Variants in SLC25A6 observed in about 807,000 individuals in gnomAD.
The protein encoded by SLC25A6 is ADP/ATP translocase 3.
In SLC25A6, 9 loss-of-function variants were observed where a neutral mutation model predicts 25.7. The observed-to-expected ratio is 0.35, with a 90% CI of 0.21 to 0.61. The LOEUF (loss-of-function observed/expected upper bound fraction) is 0.61. Among genes scored for constraint, SLC25A6 ranks in the 20% least tolerant of loss-of-function variants. The probability of loss-of-function intolerance (pLI) is 0.76; values close to 1 mark genes in which losing one functional copy is unlikely to be tolerated. For synonymous variants in SLC25A6, 223 were observed against 197.0 expected, an observed-to-expected ratio of 1.13 and a Z score of -1.11; for missense variants, 404 against 440.5, an observed-to-expected ratio of 0.92 and a Z score of 0.74.
intron 2 of SLC25A6, among the ~76,000 whole-genome samples, chrX:1,387,712 T>C (rs1255026091): frequency 6.6e-6 from 1 of 152,096 alleles, no homozygotes; most frequent in Admixed American, 6.5e-5. Flanking sequence ...TTCTGAAGGG[T>C]CACCGTTACT....
chrX:1,391,957 G>T lies in SLC25A6; in HGVS notation c.53C>A (p.Ala18Asp). The change falls in exon 1 of 4, where the codon GCC becomes GAC. Residue 18 changes from alanine (A) to aspartate (D), a missense_variant. Ala to Asp is a moderately radical substitution (Grantham distance 126). Coordinates refer to ENST00000381401, the MANE Select transcript of SLC25A6 (RefSeq NM_001636.4). ...FAKDFLAGGI[A>D]AAISKTAVAP... ...CACGGCCGTCTTGGAGATGGCGGCG[G>T]CGATGCCTCCGGCCAAGAAGTCTTT... 1 of 1,609,962 alleles carries T rather than the reference G, an allele frequency of 6.2e-7. No homozygotes were observed.
rs1393737476 is a variant in SLC25A6 at position 1,387,152 on chromosome X, G to A, written c.739+127C>T. ...CCTTCCACACAGCCAGGTTACTTTC[G>A]GACACACTTGCTTGTCTCACACGCC... On this transcript the variant is annotated intron_variant, in intron 3 of 3. Transcript: ENST00000381401. The A allele has an allele frequency of 2.3e-5, 27 of 1,193,770 alleles. No individual in the cohort carries two copies. In the East Asian group the frequency reaches 3.1e-4, roughly 14 times the overall value. The allele number at this position is 1,193,770 out of a possible 1,614,324, so 73.9% of individuals were successfully genotyped here. A position where few individuals can be genotyped will look rare whatever the true frequency, so the allele number is the denominator to read the frequency against.
chrX:1,389,769 C>T (rs1376912708), intron 1 of SLC25A6, 42 bp from the exon 2 acceptor site: 3 of 1,597,360 alleles, frequency 1.9e-6, no homozygotes, highest in East Asian at 4.5e-5. Flanking sequence ...CCAGGGCCAA[C>T]CACCCAGAAA....
chrX:1,387,951 C>T (rs1183385127), intron 2 of SLC25A6, among the ~76,000 whole-genome samples: 1 of 151,738 alleles, frequency 6.6e-6, no homozygotes, highest in Non-Finnish European at 1.5e-5. Context: ...ACGGTGTCTA[C>T]AAGCCAAAAA....
Position 1,389,111 on chromosome X carries a change from C to T in SLC25A6, c.598+130G>A, listed in dbSNP as rs2089366739. On this transcript the variant is annotated intron_variant, in intron 2 of 3. Transcript: ENST00000381401. ...CAGGGAGAAGACGGCGTCTCCAAGTCCAGGAGAGAGGCCGCAGGAGGAACC... is the reference window on the plus strand; with the variant it reads ...CAGGGAGAAGACGGCGTCTCCAAGTTCAGGAGAGAGGCCGCAGGAGGAACC... The T allele has an allele frequency of 9.2e-6, 9 of 980,178 alleles. 1 individual carries two copies. In the Admixed American group the frequency reaches 2.4e-4, roughly 26 times the overall value. The allele number at this position is 980,178 out of a possible 1,614,324, so 60.7% of individuals were successfully genotyped here.
chrX:1,387,712 T>A (rs1255026091), intron 2 of SLC25A6, among the ~76,000 whole-genome samples: 1 of 152,096 alleles, frequency 6.6e-6, no homozygotes, highest in Non-Finnish European at 1.5e-5. Context: ...TTCTGAAGGG[T>A]CACCGTTACT....
Position 1,391,969 on chromosome X carries a change from GC to G in SLC25A6, c.40del (p.Ala14ProfsTer149). The G allele has an allele frequency of 1.2e-6, 2 of 1,609,528 alleles. No individual in the cohort carries two copies. The highest frequency in any genetic ancestry group is 1.7e-6 in the Non-Finnish European group (2 of 1,178,872). On this transcript the variant is annotated frameshift_variant, in exon 1 of 4. Transcript: ENST00000381401. LOFTEE classifies it high-confidence loss of function. ...GGAGATGGCGGCGGCGATGCCTCCG[GC>G]CAAGAAGTCTTTGGCGAAGGAGATG... ...QAISFAKDFL[A>X]GGIAAAISKT...
At chrX:1,390,060 T>C in intron 1 of SLC25A6, 1 of 414,184 alleles carries the variant, frequency 2.4e-6, no homozygotes, top group South Asian at 3.0e-5. Context: ...TACCCGGGTT[T>C]GAGTGTAGTG....
intron 2 of SLC25A6, among the ~76,000 whole-genome samples, chrX:1,388,198 A>G (rs1417565645): frequency 6.6e-6 from 1 of 151,314 alleles, no homozygotes; most frequent in Non-Finnish European, 1.5e-5. Context: ...CCCAGGAGAG[A>G]GGCCTCAGGA....
In SLC25A6 at chrX:1,392,005, G is replaced by A. The variant is rs1292408071; in HGVS notation, c.5C>T (p.Thr2Met). ...TTTGGCGAAGGAGATGGCCTGTTCC[G>A]TCATGGTGGCAGGGCGGGCAGCGGA... M[T>M]EQAISFAKDF... The change falls in exon 1 of 4, where the codon ACG (threonine) becomes ATG (methionine). Residue 2 changes from threonine (T) to methionine (M), a missense_variant. Thr to Met is a moderately conservative substitution (Grantham distance 81). Coordinates refer to ENST00000381401, the MANE Select transcript of SLC25A6 (RefSeq NM_001636.4). The A allele has an allele frequency of 6.2e-7, 1 of 1,605,348 alleles. No homozygotes were observed. The highest frequency in any genetic ancestry group is 8.5e-7 in the Non-Finnish European group (1 of 1,176,968).
intron 2 of SLC25A6, among the ~76,000 whole-genome samples, chrX:1,388,678 A>C (rs2089359757): frequency 6.6e-6 from 1 of 152,092 alleles, no homozygotes; most frequent in African/African-American, 2.4e-5. Context: ...AGCCCTGCCC[A>C]TGCCTTGGTC....
intron 1 of SLC25A6, 152 bp downstream of exon 1, chrX:1,391,747 G>T (rs1296026373): frequency 1.0e-4 from 59 of 592,382 alleles, no homozygotes; most frequent in Middle Eastern, 9.0e-4. Flanking sequence ...CACGTGACGC[G>T]GCCCCCGGAA....
At chrX:1,389,186 G>A in intron 2 of SLC25A6, 55 bp downstream of exon 2, 1 of 1,571,612 alleles carries the variant, frequency 6.4e-7, no homozygotes, top group Non-Finnish European at 8.7e-7. Context: ...GACCCTGGGG[G>A]AACGTCTGTG....
intron 1 of SLC25A6, 143 bp from the exon 2 acceptor site, chrX:1,389,870 G>A: frequency 7.0e-7 from 1 of 1,420,884 alleles, no homozygotes; most frequent in Non-Finnish European, 9.4e-7. Context: ...TGATTCTCCT[G>A]TCTCAGCCTC....
At chrX:1,389,850 G>C in intron 1 of SLC25A6, 123 bp from the exon 2 acceptor site, 1 of 1,485,976 alleles carries the variant, frequency 6.7e-7, no homozygotes, top group African/African-American at 1.4e-5. Context: ...AGTGCAATGG[G>C]GTGATCAAGT....
At chrX:1,391,551 C>T (rs1335241577) in intron 1 of SLC25A6, among the ~76,000 whole-genome samples, 5 of 152,236 alleles carry the variant, frequency 3.3e-5, no homozygotes, top group African/African-American at 1.2e-4. Context: ...GCCAGGCATC[C>T]ACCGGAAGGG....
chrX:1,388,780 T>G (rs2089361306), intron 2 of SLC25A6, among the ~76,000 whole-genome samples: 1 of 149,860 alleles, frequency 6.7e-6, no homozygotes, highest in African/African-American at 2.5e-5. Context: ...CAGCCTGAAA[T>G]GGATTAAGAC....
At chrX:1,387,585 C>T (rs1473021959) in intron 2 of SLC25A6, among the ~76,000 whole-genome samples, 166 bp from the exon 3 acceptor site, 3 of 152,076 alleles carry the variant, frequency 2.0e-5, no homozygotes, top group East Asian at 2.0e-4. Context: ...GTTTACAACA[C>T]GAGAGGTCGG....
rs1174608606 is a variant in SLC25A6 at position 1,391,992 on chromosome X, G to T, written c.18C>A (p.Ile6=). 1 of 1,608,548 alleles carries T rather than the reference G, an allele frequency of 6.2e-7. No individual in the cohort carries two copies. Among genetic ancestry groups the T allele is most frequent in the Non-Finnish European group, 8.5e-7 (1 of 1,178,544 alleles). Reference sequence around the variant, plus strand: ...CGGCCAAGAAGTCTTTGGCGAAGGAGATGGCCTGTTCCGTCATGGTGGCAG... The same window carrying T: ...CGGCCAAGAAGTCTTTGGCGAAGGATATGGCCTGTTCCGTCATGGTGGCAG... The part of the protein sequence containing the change: MTEQA[I]SFAKDFLAGG... Residue 6 remains isoleucine (I), a synonymous_variant, in exon 1 of 4, where the codon ATC becomes ATA. Transcript: ENST00000381401.
Sources: gnomAD v4.1 joint callset for allele counts (sites outside exome capture counted in the v4.1 genomes callset) on GRCh38, gnomAD v4.1.1 for gene constraint, MANE v1.5 for transcripts, NCBI Gene and HGNC (gene_info 2026-07-23, HGNC 2026-07-21) for gene names.